The following UGT1A8 variants were observed in gnomAD, a reference collection of about 807,000 sequenced individuals.
The protein encoded by UGT1A8 is UDP-glucuronosyltransferase 1A8.
Under a neutral mutation model 45.3 loss-of-function variants are expected in UGT1A8, and 39 were observed. That is an observed-to-expected ratio of 0.86 (90% CI 0.67 to 1.12). The LOEUF is 1.12. Among genes scored for constraint, UGT1A8 ranks in the 50% most tolerant of loss-of-function variants. The pLI is 0.00. For missense variants in UGT1A8, 719 were observed against 664.9 expected (o/e 1.08, Z -0.90); for synonymous variants, 275 against 249.2 (o/e 1.10, Z -0.97).
intron 1 of UGT1A8, among the ~76,000 whole-genome samples, chr2:233,704,322 T>C (rs1003349124): frequency 1.3e-5 from 2 of 152,026 alleles, no homozygotes; most frequent in African/African-American, 4.8e-5. Context: ...TTAATGTTTT[T>C]CTTTCCACTA....
rs575524527 is a variant in UGT1A8 at position 233,650,119 on chromosome 2, T to C, written c.855+31557T>C. On this transcript the variant is annotated intron_variant, in intron 1 of 4. Coordinates refer to ENST00000373450, the MANE Select transcript of UGT1A8 (RefSeq NM_019076.5). Reference sequence around the variant, plus strand: ...CTGAGTAGCTGGGATTATAGGCACATGCCACCACACCCAGCTAATTTTGTA... The same window carrying C: ...CTGAGTAGCTGGGATTATAGGCACACGCCACCACACCCAGCTAATTTTGTA... Among the ~76,000 whole-genome samples the C allele has an allele frequency of 2.0e-5, 3 of 152,216 alleles. No individual in the cohort carries two copies. The South Asian group carries it at 6.2e-4, about 32-fold the overall frequency.
intron 1 of UGT1A8, among the ~76,000 whole-genome samples, chr2:233,758,575 A>G (rs1696915636): frequency 6.6e-6 from 1 of 152,204 alleles, no homozygotes; most frequent in African/African-American, 2.4e-5. Context: ...TAAAAAATGA[A>G]GAGTGTTTGG....
chr2:233,743,915 A>G (rs769255302), intron 1 of UGT1A8: 3 of 1,364,544 alleles, frequency 2.2e-6, no homozygotes, highest in East Asian at 4.6e-5. Flanking sequence ...GTAGTCCACC[A>G]TGCTGGATGG....
At chr2:233,767,553 A>C (rs1463279318) in intron 2 of UGT1A8, among the ~76,000 whole-genome samples, 1 of 152,268 alleles carries the variant, frequency 6.6e-6, no homozygotes, top group Non-Finnish European at 1.5e-5. Flanking sequence ...ATAGTTCTGC[A>C]TCCACTTGTT....
chr2:233,730,905 A>T (rs1322657764), intron 1 of UGT1A8, among the ~76,000 whole-genome samples: 1 of 152,098 alleles, frequency 6.6e-6, no homozygotes, highest in East Asian at 1.9e-4. Flanking sequence ...CCTTTACCAA[A>T]AATTTCAGAG....
chr2:233,661,165 A>G (rs186810346), intron 1 of UGT1A8, among the ~76,000 whole-genome samples: 2,902 of 136,492 alleles, frequency 0.021, 48 homozygotes, highest in Admixed American at 0.041. Flanking sequence ...CTAGTTTCAG[A>G]CTTTTTTTTT....
At chr2:233,744,762 A>G (rs1310047679) in intron 1 of UGT1A8, among the ~76,000 whole-genome samples, 12 of 151,872 alleles carry the variant, frequency 7.9e-5, no homozygotes, top group Non-Finnish European at 4.4e-5. Flanking sequence ...AAATAGTTTT[A>G]ACTTTGCAAA....
chr2:233,714,694 G>A (rs187411884), intron 1 of UGT1A8, among the ~76,000 whole-genome samples: 374 of 152,256 alleles, frequency 2.5e-3, no homozygotes, highest in Non-Finnish European at 4.0e-3. Flanking sequence ...TTCAACATGT[G>A]AACTGTTTAA....
intron 1 of UGT1A8, chr2:233,690,455 C>G (rs1165670819): frequency 7.8e-7 from 1 of 1,287,146 alleles, no homozygotes; most frequent in South Asian, 1.2e-5. Flanking sequence ...ATTCAAAATG[C>G]CAGCTATCCT....
chr2:233,657,979 G>A (rs976846459), intron 1 of UGT1A8, among the ~76,000 whole-genome samples: 7 of 150,640 alleles, frequency 4.6e-5, no homozygotes, highest in Admixed American at 2.6e-4. Context: ...GCAAGAACTA[G>A]CACAGAGAAT....
chr2:233,724,525 T>G (rs2077275879), intron 1 of UGT1A8, among the ~76,000 whole-genome samples: 2 of 90,906 alleles, frequency 2.2e-5, no homozygotes, highest in African/African-American at 4.9e-5. Flanking sequence ...CCAGATGGGG[T>G]CTCGCCGGGC....
chr2:233,691,239 T>C lies in UGT1A8; in HGVS notation c.855+72677T>C, dbSNP rs912539415. The C allele has an allele frequency of 2.5e-5, 25 of 985,440 alleles. No homozygotes were observed. The African/African-American group carries it at 2.8e-4, about 11-fold the overall frequency. The allele number at this position is 985,440 out of a possible 1,614,324, so 61.0% of individuals were successfully genotyped here. Reference sequence around the variant, plus strand: ...ACCTTCCTGGAGTCTTATTGCTATCTAGATGAACTCAAAGCAAGATGCTGC... The same window carrying C: ...ACCTTCCTGGAGTCTTATTGCTATCCAGATGAACTCAAAGCAAGATGCTGC... On this transcript the variant is annotated intron_variant, in intron 1 of 4. Transcript: ENST00000373450.
chr2:233,649,120 T>C, intron 1 of UGT1A8: 1 of 731,420 alleles, frequency 1.4e-6, no homozygotes, highest in Non-Finnish European at 1.9e-6. Context: ...TTTGTGTTTG[T>C]TGCATCTAAA....
chr2:233,650,197 T>C (rs981927504), intron 1 of UGT1A8, among the ~76,000 whole-genome samples: 4 of 152,180 alleles, frequency 2.6e-5, no homozygotes, highest in Non-Finnish European at 2.9e-5. Context: ...CTCGAACTCC[T>C]GACCTCAGGT....
chr2:233,624,341 TG>T (rs1401328117), intron 1 of UGT1A8, among the ~76,000 whole-genome samples: 2 of 152,132 alleles, frequency 1.3e-5, no homozygotes, highest in Non-Finnish European at 2.9e-5. Context: ...TCCTGTAGAA[TG>T]TTCCTCTAGA....
At chr2:233,679,301 G>T (rs1225471234) in intron 1 of UGT1A8, among the ~76,000 whole-genome samples, 3 of 152,194 alleles carry the variant, frequency 2.0e-5, no homozygotes, top group Non-Finnish European at 4.4e-5. Context: ...ACAAAGCCTT[G>T]ATGGAACCAA....
intron 1 of UGT1A8, among the ~76,000 whole-genome samples, chr2:233,666,668 CTTTAAG>C (rs1488390554): frequency 6.7e-6 from 1 of 150,160 alleles, no homozygotes; most frequent in African/African-American, 2.5e-5. Flanking sequence ...TATTATTGTA[CTTTAAG>C]TTTTAGAGTA....
In UGT1A8 at chr2:233,617,743, A is replaced by C. The variant is rs144352045; in HGVS notation, c.36A>C (p.Leu12=). The change falls in exon 1 of 5, where the codon CTA becomes CTC. Residue 12 remains leucine, a synonymous_variant. Coordinates refer to ENST00000373450, the MANE Select transcript of UGT1A8 (RefSeq NM_019076.5). ...ARTGWTSPIP[L]CVSLLLTCGF... ...CAGGGTGGACCAGCCCCATTCCCCT[A>C]TGTGTTTCTCTGCTGCTGACCTGTG... 2 of 1,613,850 alleles carry C rather than the reference A, an allele frequency of 1.2e-6. No individual in the cohort carries two copies. The highest frequency in any genetic ancestry group is 1.7e-6 in the Non-Finnish European group (2 of 1,179,952).
chr2:233,748,577 A>T (rs1363502467), intron 1 of UGT1A8, among the ~76,000 whole-genome samples: 1 of 151,860 alleles, frequency 6.6e-6, no homozygotes, highest in Non-Finnish European at 1.5e-5. Context: ...AGTGTTAAAG[A>T]GGTTGACTCA....
Sources: gnomAD v4.1 joint callset for allele counts (sites outside exome capture counted in the v4.1 genomes callset) on GRCh38, gnomAD v4.1.1 for gene constraint, MANE v1.5 for transcripts, NCBI Gene and HGNC (gene_info 2026-07-23, HGNC 2026-07-21) for gene names.